Variants in KIZ observed in about 807,000 individuals in gnomAD.
KIZ encodes the protein kizuna centrosomal protein.
Under a neutral mutation model 79.6 loss-of-function variants are expected in KIZ, and 68 were observed. The ratio of observed to expected loss-of-function variants is 0.85; its 90% CI spans 0.70 to 1.05. KIZ has a LOEUF of 1.05. Among genes scored for constraint, KIZ ranks in the 50% least tolerant of loss-of-function variants. The probability of loss-of-function intolerance (pLI) is 0.00; values close to 1 mark genes in which losing one functional copy is unlikely to be tolerated. For missense variants in KIZ, 797 were observed against 800.4 expected (o/e 1.00, Z 0.05); for synonymous variants, 280 against 281.8 (o/e 0.99, Z 0.06).
chr20:21,128,007 T>TTTTG (rs544667888), intron 1 of KIZ, among the ~76,000 whole-genome samples: 8 of 152,202 alleles, frequency 5.3e-5, no homozygotes, highest in African/African-American at 7.2e-5. Flanking sequence ...GGATGTACCT[T>TTTTG]TTTGTTTGTT....
In KIZ at chr20:21,232,825, G is replaced by A; in HGVS notation, c.1875G>A (p.Leu625=). Residue 625 remains leucine, a synonymous_variant, in exon 11 of 13, where the codon TTG becomes TTA. Transcript: ENST00000619189. ...ASFSSSEGSP[L]SRHENKKKPV... is the part of the protein sequence containing the mutation. Reference sequence around the variant, plus strand: ...TTTCATCTAGTGAAGGAAGTCCTTTGTCAAGGTAAAGTTGTGAAAGCCTTT... The same window carrying A: ...TTTCATCTAGTGAAGGAAGTCCTTTATCAAGGTAAAGTTGTGAAAGCCTTT... 1 of 1,487,126 alleles carries A rather than the reference G, an allele frequency of 6.7e-7. No individual in the cohort carries two copies. Among genetic ancestry groups the A allele is most frequent in the Non-Finnish European group, 9.3e-7 (1 of 1,075,450 alleles). 92.1% of individuals were successfully genotyped at this position (1,487,126 alleles called of 1,614,324 possible).
chr20:21,208,247 A>G (rs1373200506), intron 7 of KIZ, among the ~76,000 whole-genome samples: 1 of 152,234 alleles, frequency 6.6e-6, no homozygotes, highest in East Asian at 1.9e-4. Flanking sequence ...AATCTACTCA[A>G]TTTTTCCAAT....
At chr20:21,166,622 TA>T (rs879154433) in intron 6 of KIZ, 7 of 978,296 alleles carry the variant, frequency 7.2e-6, no homozygotes, top group South Asian at 3.0e-5. Context: ...AGAGCTTTTG[TA>T]TTTTTTTTTT....
chr20:21,160,681 G>T (rs553521760), intron 4 of KIZ, among the ~76,000 whole-genome samples: 1 of 152,222 alleles, frequency 6.6e-6, no homozygotes, highest in East Asian at 1.9e-4. Flanking sequence ...CTGAATATTT[G>T]TGTCCCCCCC....
At chr20:21,235,222 A>G (rs1394794676) in intron 11 of KIZ, among the ~76,000 whole-genome samples, 1 of 152,136 alleles carries the variant, frequency 6.6e-6, no homozygotes, top group Non-Finnish European at 1.5e-5. Flanking sequence ...ATACATGCTC[A>G]TTTCATTGTG....
At chr20:21,182,690 G>A (rs1411534400) in intron 6 of KIZ, among the ~76,000 whole-genome samples, 3 of 151,414 alleles carry the variant, frequency 2.0e-5, no homozygotes, top group Non-Finnish European at 4.4e-5. Context: ...TCAGCTACTC[G>A]GGAGGCTGAG....
chr20:21,220,096 T>C (rs1432249566), intron 9 of KIZ, among the ~76,000 whole-genome samples: 1 of 150,568 alleles, frequency 6.6e-6, no homozygotes, highest in Non-Finnish European at 1.5e-5. Flanking sequence ...ATAAGTAGTA[T>C]ATAATTAGAT....
chr20:21,132,502 A>C (rs755982408), intron 2 of KIZ, among the ~76,000 whole-genome samples: 1 of 152,168 alleles, frequency 6.6e-6, no homozygotes, highest in Non-Finnish European at 1.5e-5. Flanking sequence ...GCTGGTCTCG[A>C]ACTCCTGACC....
intron 2 of KIZ, among the ~76,000 whole-genome samples, chr20:21,133,907 A>G (rs944428478): frequency 6.6e-6 from 1 of 152,190 alleles, no homozygotes; most frequent in Non-Finnish European, 1.5e-5. Context: ...GCGAAAGGAG[A>G]TGGGGCTGTA....
chr20:21,169,565 T>A (rs1048303783), intron 6 of KIZ, among the ~76,000 whole-genome samples: 1 of 152,150 alleles, frequency 6.6e-6, no homozygotes, highest in African/African-American at 2.4e-5. Context: ...TTGACCCAGC[T>A]ATCCCATTAC....
intron 9 of KIZ, among the ~76,000 whole-genome samples, chr20:21,220,021 A>G (rs1206525944): frequency 1.3e-5 from 2 of 152,202 alleles, no homozygotes; most frequent in East Asian, 1.9e-4. Flanking sequence ...GTTGTTCACT[A>G]AAGAATCCAG....
At chr20:21,132,313 C>T (rs2031904797) in intron 2 of KIZ, among the ~76,000 whole-genome samples, 154 bp downstream of exon 2, 1 of 152,148 alleles carries the variant, frequency 6.6e-6, no homozygotes, top group African/African-American at 2.4e-5. Context: ...TGCTCTTTCG[C>T]TCAGGCTGGA....
At chr20:21,147,389 A>T (rs1303139681) in intron 4 of KIZ, among the ~76,000 whole-genome samples, 1 of 152,210 alleles carries the variant, frequency 6.6e-6, no homozygotes, top group Admixed American at 6.5e-5. Flanking sequence ...TTTTCCATTG[A>T]TGTTCAACCA....
intron 11 of KIZ, among the ~76,000 whole-genome samples, chr20:21,241,080 G>T (rs575474715): frequency 7.2e-4 from 109 of 152,324 alleles, no homozygotes; most frequent in African/African-American, 2.4e-3. Flanking sequence ...ATATCTCATG[G>T]CCTACAACCT....
At chr20:21,222,556 T>C (rs2036532864) in intron 9 of KIZ, among the ~76,000 whole-genome samples, 1 of 152,132 alleles carries the variant, frequency 6.6e-6, no homozygotes. Flanking sequence ...GTGTATTATT[T>C]TCCTAGGGCT....
At chr20:21,168,453 A>G in intron 6 of KIZ, among the ~76,000 whole-genome samples, 1 of 152,206 alleles carries the variant, frequency 6.6e-6, no homozygotes. Context: ...AAATGGAAGA[A>G]CATTCCATGC....
chr20:21,130,923 A>G (rs921510345), intron 1 of KIZ, among the ~76,000 whole-genome samples: 3 of 152,258 alleles, frequency 2.0e-5, no homozygotes, highest in African/African-American at 7.2e-5. Context: ...CCTTTCCCTC[A>G]GGAAGCCAAC....
rs934257851 is a variant in KIZ, at chr20:21,227,050, T to C, written c.1679-1961T>C. ...TGTGGAGCATAGAAAGGGCTCATCT[T>C]TTCCAGAGTATCAAAATGGTCCCTT... On this transcript the variant is annotated intron_variant, in intron 9 of 12. Transcript: ENST00000619189. Among the ~76,000 whole-genome samples the C allele has an allele frequency of 2.0e-5, 3 of 152,198 alleles. 1 individual carries two copies. Among genetic ancestry groups the C allele is most frequent in the African/African-American group, 7.2e-5 (3 of 41,454 alleles).
intron 11 of KIZ, among the ~76,000 whole-genome samples, chr20:21,240,642 C>T (rs1485280379): frequency 1.3e-5 from 2 of 152,244 alleles, no homozygotes; most frequent in African/African-American, 4.8e-5. Flanking sequence ...GCATGGGCCT[C>T]ATGTGAGGCA....
Sources: gnomAD v4.1 joint callset for allele counts (sites outside exome capture counted in the v4.1 genomes callset) on GRCh38, gnomAD v4.1.1 for gene constraint, MANE v1.5 for transcripts, NCBI Gene and HGNC (gene_info 2026-07-23, HGNC 2026-07-21) for gene names.